The following FRAS1 variants were observed in gnomAD, a reference collection of about 807,000 sequenced individuals.
The protein encoded by FRAS1 is Fraser extracellular matrix complex subunit 1.
Under a neutral mutation model 435.2 loss-of-function variants are expected in FRAS1, and 290 were observed. That is an observed-to-expected ratio of 0.67 (90% CI 0.61 to 0.73). FRAS1 has a LOEUF of 0.73. Among genes scored for constraint, FRAS1 ranks in the 30% least tolerant of loss-of-function variants. FRAS1 has a pLI of 0.00. For synonymous variants in FRAS1, 1,800 were observed against 1,851.0 expected (o/e 0.97, Z 0.71); for missense variants, 4,860 against 5,001.5 (o/e 0.97, Z 0.85).
intron 22 of FRAS1, 138 bp downstream of exon 22, chr4:78,364,192 C>G (rs1731181570): frequency 1.9e-6 from 2 of 1,035,962 alleles, no homozygotes; most frequent in African/African-American, 1.6e-5. Context: ...AACCAATCTA[C>G]AAAGGCAGTA....
chr4:78,255,238 C>T lies in FRAS1; in HGVS notation c.470-4C>T. Reference sequence around the variant, plus strand: ...TAGTAATCCTTGTTTCTTTGACCTTCCAGAACCCTGTTCCTATGAAGGCCA... The same window carrying T: ...TAGTAATCCTTGTTTCTTTGACCTTTCAGAACCCTGTTCCTATGAAGGCCA... On this transcript the variant is annotated splice_polypyrimidine_tract_variant and splice_region_variant and intron_variant, in intron 5 of 73. Coordinates refer to ENST00000512123, the MANE Select transcript of FRAS1 (RefSeq NM_025074.7). The T allele has an allele frequency of 6.4e-7, 1 of 1,551,840 alleles. No individual in the cohort carries two copies.
At chr4:78,119,256 C>T (rs911798075) in intron 2 of FRAS1, among the ~76,000 whole-genome samples, 5 of 152,102 alleles carry the variant, frequency 3.3e-5, no homozygotes, top group African/African-American at 9.7e-5. Flanking sequence ...AGTCATCCTA[C>T]AGTGATAGAG....
intron 22 of FRAS1, among the ~76,000 whole-genome samples, chr4:78,365,737 T>TTA (rs1731238181): frequency 7.6e-6 from 1 of 132,142 alleles, no homozygotes; most frequent in Admixed American, 7.4e-5. Context: ...TCTAGTACAT[T>TTA]AAAAAAAAAA....
chr4:78,119,430 G>A (rs924080068), intron 2 of FRAS1, among the ~76,000 whole-genome samples: 7 of 152,150 alleles, frequency 4.6e-5, no homozygotes, highest in African/African-American at 1.7e-4. Context: ...GTGAGAATAT[G>A]AGGTGTTTCA....
At position 78,360,593 on chromosome 4, in the gene FRAS1, A is replaced by C. The variant is rs144766877; in HGVS notation, c.2423-2920A>C. On this transcript the variant is annotated intron_variant, in intron 20 of 73. Transcript: ENST00000512123. ...AAAACAGGAATAGATAGACGTTTTG[A>C]GGTGAAAGGAATGAATCCAGCATGC... 6.8e-4 allele frequency among the ~76,000 whole-genome samples: 103 copies of C among 152,284 alleles called. 1 individual carries two copies. The Middle Eastern group carries it at 0.027, about 40-fold the overall frequency.
At chr4:78,497,996 A>C (rs1042683984) in intron 60 of FRAS1, among the ~76,000 whole-genome samples, 1 of 152,212 alleles carries the variant, frequency 6.6e-6, no homozygotes, top group Non-Finnish European at 1.5e-5. Context: ...AAGAACAGAC[A>C]ACCAAACACC....
At chr4:78,266,324 G>C (rs1242461958) in intron 7 of FRAS1, among the ~76,000 whole-genome samples, 1 of 152,222 alleles carries the variant, frequency 6.6e-6, no homozygotes, top group Admixed American at 6.5e-5. Context: ...ATTACTAAAG[G>C]TTGGTAGAAG....
rs1310716761 is a variant in FRAS1, at chr4:78,337,803, T to G, written c.2408T>G (p.Val803Gly). 6.2e-7 allele frequency: 1 copy of G among 1,613,768 alleles called. No homozygotes were observed. The highest frequency in any genetic ancestry group is 1.3e-5 in the African/African-American group (1 of 74,906). The change falls in exon 20 of 74, where the codon GTG becomes GGG. Residue 803 changes from valine (V) to glycine (G), a missense_variant. By Grantham distance (109) the Val-to-Gly change is moderately radical (BLOSUM62 -3). Coordinates refer to ENST00000512123, the MANE Select transcript of FRAS1 (RefSeq NM_025074.7). ...SCREEQFLNLVGYCADCHHLC... is the reference protein window; with the variant it reads ...SCREEQFLNLGGYCADCHHLC... ...AGGGAAGAGCAGTTCCTCAACCTCG[T>G]GGGATACTGTGCTGGTGAGTGAAAC...
At position 78,464,448 on chromosome 4, in the gene FRAS1, T is replaced by C. The variant is rs1336645379; in HGVS notation, c.6894T>C (p.Thr2298=). The C allele has an allele frequency of 6.2e-7, 1 of 1,613,984 alleles. No homozygotes were observed. The highest frequency in any genetic ancestry group is 8.5e-7 in the Non-Finnish European group (1 of 1,179,852). ...GCACTTTCCTGCCATTCTAGGTGACTCAGACTTTCCATATCACTCTTCACC... is the reference window on the plus strand; with the variant it reads ...GCACTTTCCTGCCATTCTAGGTGACCCAGACTTTCCATATCACTCTTCACC... ...FTLSDGVSEV[T]QTFHITLHPV... is the part of the protein sequence containing the mutation. The change falls in exon 49 of 74, where the codon ACT becomes ACC. Residue 2298 remains threonine (T), a synonymous_variant. Transcript: ENST00000512123.
chr4:78,497,362 TTCTC>T (rs890289830), intron 60 of FRAS1, among the ~76,000 whole-genome samples: 14 of 151,904 alleles, frequency 9.2e-5, no homozygotes, highest in Middle Eastern at 3.4e-3. Flanking sequence ...CTCAGTTTTC[TTCTC>T]TCTAATTGAT....
intron 29 of FRAS1, among the ~76,000 whole-genome samples, chr4:78,397,955 A>G (rs1393683216): frequency 6.6e-6 from 1 of 151,334 alleles, no homozygotes; most frequent in East Asian, 1.9e-4. Flanking sequence ...CAATGCATCT[A>G]TTGTTGATTT....
chr4:78,198,102 C>G (rs1195410354), intron 2 of FRAS1, among the ~76,000 whole-genome samples: 1 of 152,162 alleles, frequency 6.6e-6, no homozygotes, highest in Non-Finnish European at 1.5e-5. Context: ...GCCAGACTCT[C>G]TGACCGAGCC....
intron 6 of FRAS1, among the ~76,000 whole-genome samples, chr4:78,261,615 C>G (rs765114208): frequency 6.6e-6 from 1 of 151,994 alleles, no homozygotes; most frequent in Non-Finnish European, 1.5e-5. Context: ...TGTCCTTACA[C>G]CCATACAAAA....
intron 29 of FRAS1, among the ~76,000 whole-genome samples, chr4:78,395,743 C>T (rs1216906253): frequency 6.6e-6 from 1 of 152,050 alleles, no homozygotes; most frequent in African/African-American, 2.4e-5. Context: ...GCCTATATGT[C>T]TCCCTAAAGC....
chr4:78,202,719 T>C (rs774041963), intron 2 of FRAS1, among the ~76,000 whole-genome samples: 1 of 152,100 alleles, frequency 6.6e-6, no homozygotes, highest in Admixed American at 6.5e-5. Context: ...GTTTTCTGGA[T>C]CCACCTCTGG....
intron 20 of FRAS1, among the ~76,000 whole-genome samples, chr4:78,357,623 C>T (rs908099801): frequency 3.9e-5 from 6 of 151,912 alleles, no homozygotes; most frequent in African/African-American, 1.2e-4. Flanking sequence ...CTTTTTCGGC[C>T]GGGTGAGGTG....
At chr4:78,255,894 A>G (rs1725771738) in intron 6 of FRAS1, among the ~76,000 whole-genome samples, 1 of 152,234 alleles carries the variant, frequency 6.6e-6, no homozygotes, top group Admixed American at 6.5e-5. Flanking sequence ...GATTCTCAAA[A>G]CATTAGACTC....
At chr4:78,480,312 A>G (rs1390858788) in intron 56 of FRAS1, among the ~76,000 whole-genome samples, 3 of 152,156 alleles carry the variant, frequency 2.0e-5, no homozygotes, top group Admixed American at 2.0e-4. Context: ...ATGCTAAGTG[A>G]AATAAGCCAG....
chr4:78,097,084 A>G (rs552119390), intron 2 of FRAS1, among the ~76,000 whole-genome samples: 1 of 152,260 alleles, frequency 6.6e-6, no homozygotes, highest in African/African-American at 2.4e-5. Flanking sequence ...ACCCTAAATC[A>G]TCTCTCTCAA....
Sources: gnomAD v4.1 joint callset for allele counts (sites outside exome capture counted in the v4.1 genomes callset) on GRCh38, gnomAD v4.1.1 for gene constraint, MANE v1.5 for transcripts, NCBI Gene and HGNC (gene_info 2026-07-23, HGNC 2026-07-21) for gene names.